VGLL4: variants seen among roughly 807,000 people sequenced by gnomAD.
The protein encoded by VGLL4 is transcription cofactor vestigial-like protein 4.
Under a neutral mutation model 21.0 loss-of-function variants are expected in VGLL4, and 7 were observed. That is an observed-to-expected ratio of 0.33 (90% CI 0.19 to 0.63). The LOEUF is 0.63. Among genes scored for constraint, VGLL4 ranks in the 20% least tolerant of loss-of-function variants. VGLL4 has a pLI of 0.78. For missense variants in VGLL4, 394 were observed against 425.7 expected, an observed-to-expected ratio of 0.93 and a Z score of 0.66; for synonymous variants, 222 against 173.2, an observed-to-expected ratio of 1.28 and a Z score of -2.21.
intron 2 of VGLL4, among the ~76,000 whole-genome samples, chr3:11,697,309 T>A (rs1480936297): frequency 6.8e-6 from 1 of 147,346 alleles, no homozygotes; most frequent in African/African-American, 2.5e-5. Flanking sequence ...GTCTTCCTAT[T>A]TTTCCCAGGC....
chr3:11,661,445 TTATTTATTTATTTATTTATC>T (rs1478492732), intron 2 of VGLL4, among the ~76,000 whole-genome samples: 1 of 150,528 alleles, frequency 6.6e-6, no homozygotes, highest in African/African-American at 2.4e-5. Flanking sequence ...TTTTATTTAT[TTATTTATTTATTTATTTATC>T]TATTTATTTA....
intron 2 of VGLL4, among the ~76,000 whole-genome samples, chr3:11,667,811 T>C (rs1240841418): frequency 6.6e-6 from 1 of 151,206 alleles, no homozygotes; most frequent in East Asian, 1.9e-4. Flanking sequence ...TTCTGACTCA[T>C]TTCATGAGGG....
intron 2 of VGLL4, among the ~76,000 whole-genome samples, chr3:11,651,439 CT>C (rs1306128877): frequency 6.6e-6 from 1 of 151,932 alleles, no homozygotes; most frequent in East Asian, 1.9e-4. Flanking sequence ...ACTTTCTTTT[CT>C]TTTAAACATT....
chr3:11,615,819 AAGAC>A (rs1475382343), intron 1 of VGLL4, among the ~76,000 whole-genome samples: 12 of 152,190 alleles, frequency 7.9e-5, no homozygotes, highest in African/African-American at 2.2e-4. Flanking sequence ...CATTGAAAGA[AAGAC>A]AGACAATACA....
At chr3:11,705,517 T>G (rs1024052742) in intron 1 of VGLL4, among the ~76,000 whole-genome samples, 2 of 152,224 alleles carry the variant, frequency 1.3e-5, no homozygotes. Flanking sequence ...ACATTCCTGA[T>G]CTTCTTTGTA....
At chr3:11,652,896 G>A (rs929844673) in intron 2 of VGLL4, among the ~76,000 whole-genome samples, 5 of 151,976 alleles carry the variant, frequency 3.3e-5, no homozygotes, top group African/African-American at 1.2e-4. Flanking sequence ...AGTGATTTTC[G>A]CTACTACAAC....
At chr3:11,676,483 A>C (rs2076294636) in intron 2 of VGLL4, among the ~76,000 whole-genome samples, 1 of 151,552 alleles carries the variant, frequency 6.6e-6, no homozygotes, top group Non-Finnish European at 1.5e-5. Flanking sequence ...GTTAATAATT[A>C]AAGAAATATA....
Position 11,686,805 on chromosome 3 carries a change from C to T in VGLL4, c.64+16166G>A, listed in dbSNP as rs114457289. ...CCATTCTGTTTCGTTTATTCTATCT[C>T]GGCATTTTTCAAACAATAAGGCACA... On this transcript the variant is annotated intron_variant, in intron 2 of 5. Transcript: ENST00000273038. Among the ~76,000 whole-genome samples the T allele has an allele frequency of 6.3e-3, 966 of 152,234 alleles. 13 individuals are homozygous for T. The highest frequency in any genetic ancestry group is 0.022 in the African/African-American group (929 of 41,542).
intron 1 of VGLL4, chr3:11,703,070 G>GA (rs11411195): frequency 0.7 from 1,091,211 of 1,567,858 alleles, 383,310 homozygotes; most frequent in African/African-American, 0.81. Context: ...AATAAAAGGG[G>GA]AAAAAATAAT....
chr3:11,706,157 A>G (rs1357680654), intron 1 of VGLL4, among the ~76,000 whole-genome samples: 1 of 152,238 alleles, frequency 6.6e-6, no homozygotes, highest in African/African-American at 2.4e-5. Context: ...CATAAGGTAG[A>G]CCCAGAATTC....
At chr3:11,577,419 C>T (rs1272882544) in intron 2 of VGLL4, among the ~76,000 whole-genome samples, 2 of 152,014 alleles carry the variant, frequency 1.3e-5, no homozygotes, top group African/African-American at 2.4e-5. Context: ...ATGGTGAAAC[C>T]CCGTCTTTAC....
chr3:11,561,383 C>T lies in VGLL4; in HGVS notation c.496-1928G>A, dbSNP rs532978075. The stretch of plus-strand genomic sequence containing the variant: ...GCAGGCTGGCTGACTGGTATCAGAC[C>T]ACCTTCAGGGCATCTCCTGACCTGA... On this transcript the variant is annotated intron_variant, in intron 3 of 4. Transcript: ENST00000430365. Among the ~76,000 whole-genome samples, 9 of 152,290 alleles carry T rather than the reference C, an allele frequency of 5.9e-5. No homozygotes were observed. In the South Asian group the frequency reaches 1.5e-3, roughly 25 times the overall value.
At chr3:11,710,669 C>G (rs997864252) in intron 1 of VGLL4, 2 of 152,182 alleles carry the variant, frequency 1.3e-5, no homozygotes, top group Non-Finnish European at 2.9e-5. Context: ...CTTCATGAGT[C>G]CAAACTCTGG....
chr3:11,614,346 G>A (rs2075120103), intron 1 of VGLL4, among the ~76,000 whole-genome samples: 1 of 152,216 alleles, frequency 6.6e-6, no homozygotes, highest in Non-Finnish European at 1.5e-5. Flanking sequence ...TCATTTCTCA[G>A]CAACACCATT....
intron 2 of VGLL4, among the ~76,000 whole-genome samples, chr3:11,589,684 T>C (rs577741389): frequency 1.4e-4 from 22 of 152,350 alleles, no homozygotes; most frequent in Admixed American, 9.1e-4. Flanking sequence ...CTCACAGTCC[T>C]GAAGGCTGGC....
chr3:11,714,289 G>A (rs1312967950), intron 1 of VGLL4, among the ~76,000 whole-genome samples: 2 of 152,078 alleles, frequency 1.3e-5, no homozygotes, highest in Non-Finnish European at 2.9e-5. Flanking sequence ...ACTATATGGT[G>A]GGCCCACACT....
intron 1 of VGLL4, among the ~76,000 whole-genome samples, chr3:11,635,539 A>G (rs1232936168): frequency 6.6e-6 from 1 of 152,116 alleles, no homozygotes; most frequent in Non-Finnish European, 1.5e-5. Context: ...TCTCCCACTC[A>G]CTCTCTCTTT....
intron 1 of VGLL4, among the ~76,000 whole-genome samples, chr3:11,609,005 A>G (rs2075005204): frequency 6.6e-6 from 1 of 152,212 alleles, no homozygotes; most frequent in East Asian, 1.9e-4. Flanking sequence ...CCGGGACTAC[A>G]AGTGCTCGCC....
At chr3:11,702,123 G>A (rs1423572862) in intron 2 of VGLL4, among the ~76,000 whole-genome samples, 1 of 151,782 alleles carries the variant, frequency 6.6e-6, no homozygotes, top group East Asian at 1.9e-4. Context: ...CATTTCCAAC[G>A]ACATAAATGA....
Sources: gnomAD v4.1 joint callset for allele counts (sites outside exome capture counted in the v4.1 genomes callset) on GRCh38, gnomAD v4.1.1 for gene constraint, MANE v1.5 for transcripts, NCBI Gene and HGNC (gene_info 2026-07-23, HGNC 2026-07-21) for gene names.